EPG5: variants seen among roughly 807,000 people sequenced by gnomAD.
EPG5 encodes ectopic P granules protein 5 homolog.
EPG5 carries 159 observed loss-of-function variants against 302.7 expected under a neutral mutation model. The ratio of observed to expected loss-of-function variants is 0.53; its 90% confidence interval spans 0.46 to 0.60. The LOEUF (loss-of-function observed/expected upper bound fraction) is 0.60. Among genes scored for constraint, EPG5 ranks in the 20% least tolerant of loss-of-function variants. The probability of loss-of-function intolerance (pLI) is 0.00; values close to 1 mark genes in which losing one functional copy is unlikely to be tolerated. For missense variants in EPG5, 2,896 were observed against 3,092.4 expected, an observed-to-expected ratio of 0.94 and a Z score of 1.51; for synonymous variants, 1,158 against 1,136.8, an observed-to-expected ratio of 1.02 and a Z score of -0.37.
At chr18:45,828,864 G>A in the EPG5 span, among the ~76,000 whole-genome samples, 1 of 152,204 alleles carries the variant, frequency 6.6e-6, no homozygotes, top group Admixed American at 6.5e-5. Context: ...AGATGCAGGG[G>A]TGCTTATTCG....
intron 43 of EPG5, among the ~76,000 whole-genome samples, chr18:45,854,699 A>G (rs1218917166): frequency 6.6e-6 from 1 of 152,090 alleles, no homozygotes; most frequent in Non-Finnish European, 1.5e-5. Flanking sequence ...GTCTCTACAA[A>G]AAAAATTTTT....
chr18:45,803,383 A>G, the EPG5 span, among the ~76,000 whole-genome samples: 1 of 152,162 alleles, frequency 6.6e-6, no homozygotes, highest in Non-Finnish European at 1.5e-5. Flanking sequence ...GGCCCTGGAG[A>G]GTATACAACA....
rs771510931 is a variant in EPG5, at chr18:45,916,164, C to G, written c.3427G>C (p.Val1143Leu). Residue 1143 changes from valine (V) to leucine (L), a missense_variant, in exon 19 of 44, where the codon GTT becomes CTT. This residue lies in a region of EPG5 where 1,390 missense variants were observed against 1,430.0 expected (regional missense o/e 0.97). Transcript: ENST00000282041. The stretch of plus-strand genomic sequence containing the variant: ...TGAACCCAGAACTCCAACACAGCAA[C>G]GGGGCCCACTTCATTGGGCTGAGTG... ...VSTQPNEVGP[V>L]AVLEFWVQAL... 6.2e-7 allele frequency: 1 copy of G among 1,613,998 alleles called. No homozygotes were observed. Among genetic ancestry groups the G allele is most frequent in the Admixed American group, 1.7e-5 (1 of 59,996 alleles).
chr18:45,846,664 A>T (rs1024507699), downstream of EPG5, among the ~76,000 whole-genome samples: 14 of 152,144 alleles, frequency 9.2e-5, no homozygotes, highest in African/African-American at 3.4e-4. Context: ...CCCGATCCAG[A>T]CACTAAGACA....
chr18:45,852,595 C>T lies in EPG5; in HGVS notation c.7612G>A (p.Asp2538Asn), dbSNP rs748731055. 1 of 1,614,110 alleles carries T rather than the reference C, an allele frequency of 6.2e-7. No individual in the cohort carries two copies. The highest frequency in any genetic ancestry group is 8.5e-7 in the Non-Finnish European group (1 of 1,180,030). The change falls in exon 44 of 44, where the codon GAT (aspartate) becomes AAT (asparagine). Residue 2538 changes from aspartate to asparagine, a missense_variant. Asp to Asn is a conservative substitution (Grantham distance 23). Around this residue, in one of 5 missense-constraint regions of EPG5, gnomAD observed 620 missense variants for 704.2 expected, o/e 0.88. Coordinates refer to ENST00000282041, the MANE Select transcript of EPG5 (RefSeq NM_020964.3). ...ASSKQYVEYQ[D>N]QILQATQFIR... ...AATTGGGTGGCTTGCAATATTTGAT[C>T]CTGGTATTCAACATACTGCTTACTT...
Position 45,858,050 on chromosome 18 carries a change from T to C in EPG5, c.7245A>G (p.Ala2415=). 5 of 1,613,534 alleles carry C rather than the reference T, an allele frequency of 3.1e-6. No individual in the cohort carries two copies. The highest frequency in any genetic ancestry group is 4.2e-6 in the Non-Finnish European group (5 of 1,179,692). The part of the protein sequence containing the change: ...QVYPSSVEEE[A]KLFLWWHQVL... ...CTTGGTGCCACCACAAAAACAGCTTTGCCTCTTCCTCCACGGAGCTAGGGG... is the reference window on the plus strand; with the variant it reads ...CTTGGTGCCACCACAAAAACAGCTTCGCCTCTTCCTCCACGGAGCTAGGGG... The change falls in exon 42 of 44, where the codon GCA becomes GCG. Residue 2415 remains alanine, a synonymous_variant. Transcript: ENST00000282041.
the EPG5 span, among the ~76,000 whole-genome samples, chr18:45,833,945 A>G: frequency 4.6e-5 from 7 of 152,194 alleles, no homozygotes; most frequent in Non-Finnish European, 1.0e-4. Flanking sequence ...CCATGGCAAC[A>G]TGACACATGA....
At position 45,954,958 on chromosome 18, in the gene EPG5, T is replaced by A. The variant is rs2050992148; in HGVS notation, c.444A>T (p.Gln148His). The A allele has an allele frequency of 6.2e-7, 1 of 1,614,016 alleles. No individual in the cohort carries two copies. The highest frequency in any genetic ancestry group is 8.5e-7 in the Non-Finnish European group (1 of 1,179,964). ...FTEVEENMSV[Q>H]GGLSESAPQS... is the part of the protein sequence containing the mutation. ...GGGGTGCACTTTCTGAAAGTCCACCTTGTACCGACATATTTTCCTCTACCT... is the reference window on the plus strand; with the variant it reads ...GGGGTGCACTTTCTGAAAGTCCACCATGTACCGACATATTTTCCTCTACCT... The change falls in exon 2 of 44, where the codon CAA becomes CAT. Residue 148 changes from glutamine (Q) to histidine (H), a missense_variant. Gln to His is a conservative substitution (Grantham distance 24, BLOSUM62 0). This residue lies in a region of EPG5 where 1,390 missense variants were observed against 1,430.0 expected (regional missense o/e 0.97). Transcript: ENST00000282041.
the EPG5 span, chr18:45,837,855 A>G: frequency 2.0e-6 from 3 of 1,538,366 alleles, no homozygotes; most frequent in South Asian, 3.5e-5. Flanking sequence ...GACGTCCATG[A>G]CCGCTACGAG....
At chr18:45,842,106 G>A in the EPG5 span, 1 of 1,614,102 alleles carries the variant, frequency 6.2e-7, no homozygotes, top group Non-Finnish European at 8.5e-7. Context: ...CTGTCCACAG[G>A]TCCCAGGCCC....
chr18:45,921,963 T>C (rs866410088), intron 16 of EPG5, among the ~76,000 whole-genome samples: 1 of 113,038 alleles, frequency 8.8e-6, no homozygotes, highest in Non-Finnish European at 1.9e-5. Flanking sequence ...AAGTAAAATT[T>C]AAAAAAAAAA....
chr18:45,852,695 A>C, intron 43 of EPG5, 46 bp from the exon 44 acceptor site: 1 of 1,522,896 alleles, frequency 6.6e-7, no homozygotes, highest in Non-Finnish European at 9.0e-7. Context: ...AGAGGCACAT[A>C]ATGTGACTGC....
chr18:45,867,813 G>GAAACAATTTACA, intron 36 of EPG5, 65 bp from the exon 37 acceptor site: 1 of 1,382,408 alleles, frequency 7.2e-7, no homozygotes, highest in Non-Finnish European at 1.0e-6. Flanking sequence ...GAAAATGTAT[G>GAAACAATTTACA]TAAATTGTTT....
At chr18:45,858,952 CA>C (rs2048575517) in intron 40 of EPG5, among the ~76,000 whole-genome samples, 170 bp from the exon 41 acceptor site, 1 of 152,144 alleles carries the variant, frequency 6.6e-6, no homozygotes, top group Middle Eastern at 3.4e-3. Context: ...TTGGAGGCTA[CA>C]AAAGTCAAAT....
chr18:45,820,716 C>T, the EPG5 span, among the ~76,000 whole-genome samples: 2 of 152,170 alleles, frequency 1.3e-5, no homozygotes, highest in African/African-American at 4.8e-5. Context: ...CCCTTAAGCT[C>T]CCCAGAAACA....
rs148683476 is a variant in EPG5, at chr18:45,866,897, C to T, written c.6522G>A (p.Pro2174=). 0.01 allele frequency: 16,593 copies of T among 1,613,994 alleles called. 111 individuals carry two copies. Among genetic ancestry groups the T allele is most frequent in the Non-Finnish European group, 0.012 (14,404 of 1,179,880 alleles). Residue 2174 remains proline (P), a synonymous_variant, in exon 38 of 44, where the codon CCG becomes CCA. Coordinates refer to ENST00000282041, the MANE Select transcript of EPG5 (RefSeq NM_020964.3). ...AAGATTCTTTTGCCAGGATGATGGA[C>T]GGCGGGTAATGGCTGCTGAAATAAC... ...VLSYFSSHYP[P]SIILAKESYA...
At chr18:45,857,267 GC>G (rs1319016085) in intron 42 of EPG5, among the ~76,000 whole-genome samples, 2 of 152,020 alleles carry the variant, frequency 1.3e-5, no homozygotes, top group Non-Finnish European at 2.9e-5. Flanking sequence ...GTATCACCAT[GC>G]CCGGCTAATT....
downstream of EPG5, among the ~76,000 whole-genome samples, chr18:45,846,521 CAAAAAAAAAAAAAAA>C (rs67294951): frequency 1.1e-4 from 5 of 46,370 alleles, no homozygotes; most frequent in Middle Eastern, 0.015. Flanking sequence ...AACTCCCTCT[CAAAAAAAAAAAAAAA>C]AAAAAAAAAA....
the EPG5 span, among the ~76,000 whole-genome samples, chr18:45,829,839 C>T: frequency 1.3e-5 from 2 of 152,248 alleles, no homozygotes; most frequent in South Asian, 4.1e-4. Context: ...GGTGACTGCC[C>T]ACTTGGTTCC....
Sources: allele counts gnomAD v4.1 joint callset (sites outside exome capture counted in the v4.1 genomes callset), GRCh38; gene constraint gnomAD v4.1.1; regional missense constraint gnomAD v4.1.1; transcripts MANE v1.5; gene names NCBI Gene and HGNC (gene_info 2026-07-23, HGNC 2026-07-21).